Variants in DCPS observed in about 807,000 individuals in gnomAD.
The protein encoded by DCPS is decapping enzyme, scavenger.
DCPS carries 27 observed loss-of-function variants against 34.7 expected under a neutral mutation model. The ratio of observed to expected loss-of-function variants is 0.78; its 90% CI spans 0.57 to 1.07. The LOEUF is 1.07. DCPS is among the 50% of genes least tolerant of loss of function. The pLI, the probability that DCPS is intolerant of heterozygous loss-of-function variation, is 0.00. For missense variants in DCPS, 464 were observed against 436.9 expected (o/e 1.06, Z -0.55); for synonymous variants, 185 against 185.7 (o/e 1.00, Z 0.03).
rs1450180734 is a variant in DCPS, at chr11:126,328,748, G to A, written c.377-2657G>A. 6.6e-6 allele frequency among the ~76,000 whole-genome samples: 1 copy of A among 152,346 alleles called. No individual in the cohort carries two copies. Among genetic ancestry groups the A allele is most frequent in the African/African-American group, 2.4e-5 (1 of 41,584 alleles). ...CCCATCTCTCCCCCACTCTCAGGGA[G>A]CTCCACTGCCCAACCCAGGCAACGG... On this transcript the variant is annotated intron_variant, in intron 2 of 5. Transcript: ENST00000263579. This position sits in a 1 kb window ranked among gnomAD's most constrained non-coding sequence, Gnocchi z 6.6.
At position 126,331,495 on chromosome 11, in the gene DCPS, A is replaced by G. The variant is rs763596834; in HGVS notation, c.467A>G (p.Asp156Gly). The change falls in exon 3 of 6, where the codon GAT becomes GGT. Residue 156 changes from aspartate (D) to glycine (G), a missense_variant. By Grantham distance (94) the Asp-to-Gly change is moderately conservative. Transcript: ENST00000263579. The surrounding 1 kb of genome is among the most constrained non-coding windows in gnomAD (Gnocchi z 7.2). ...CTCCGCCTGATCCGAGAGACGGGAG[A>G]TGACTACAGGAATATTACTTTACCC... ...QDLRLIRETG[D>G]DYRNITLPHL... is the part of the protein sequence containing the mutation. 3.7e-6 allele frequency: 6 copies of G among 1,614,044 alleles called. No homozygotes were observed. Among genetic ancestry groups the G allele is most frequent in the East Asian group, 2.2e-5 (1 of 44,872 alleles).
At chr11:126,314,937 A>G (rs936605431) in intron 2 of DCPS, among the ~76,000 whole-genome samples, 2 of 152,140 alleles carry the variant, frequency 1.3e-5, no homozygotes, top group Non-Finnish European at 2.9e-5. Context: ...TAAAGAACTT[A>G]TTCACGTAAG....
chr11:126,326,848 G>C (rs564509807), intron 2 of DCPS, among the ~76,000 whole-genome samples: 1 of 151,986 alleles, frequency 6.6e-6, no homozygotes, highest in African/African-American at 2.4e-5. Flanking sequence ...GCGTGAGCCC[G>C]GGAGGCGGAG....
chr11:126,343,303 G>T lies in DCPS; in HGVS notation c.637-4G>T. On this transcript the variant is annotated splice_polypyrimidine_tract_variant and splice_region_variant and intron_variant, in intron 4 of 5. Coordinates refer to ENST00000263579, the MANE Select transcript of DCPS (RefSeq NM_014026.6). Reference sequence around the variant, plus strand: ...AGCCTGGTCTCCCCTTGCTCTCTACGCAGCTCGATGACTTGTACTTGATCG... The same window carrying T: ...AGCCTGGTCTCCCCTTGCTCTCTACTCAGCTCGATGACTTGTACTTGATCG... 1 of 1,611,860 alleles carries T rather than the reference G, an allele frequency of 6.2e-7. No individual in the cohort carries two copies.
chr11:126,305,986 C>G (rs762888241), intron 1 of DCPS, among the ~76,000 whole-genome samples: 1 of 152,148 alleles, frequency 6.6e-6, no homozygotes, highest in Non-Finnish European at 1.5e-5. Flanking sequence ...GAGAACTTGA[C>G]AGAGGTCTTG....
Position 126,349,663 on chromosome 11 carries a change from A to T in DCPS, c.*4050A>T, listed in dbSNP as rs1475930995. On this transcript the variant is annotated 3_prime_UTR_variant, in exon 6 of 6. Transcript: ENST00000263579. The surrounding 1 kb of genome is among the most constrained non-coding windows in gnomAD (Gnocchi z 5.4). ...CTTGTAATACTTCCATATCCAAAGC[A>T]TTTGAATATATTTATTTTATTGATG... Among the ~76,000 whole-genome samples the T allele has an allele frequency of 5.9e-5, 9 of 152,224 alleles. No individual in the cohort carries two copies. Among genetic ancestry groups the T allele is most frequent in the Admixed American group, 5.9e-4 (9 of 15,286 alleles).
chr11:126,347,155 C>G lies in DCPS; in HGVS notation c.*1542C>G, dbSNP rs1951939330. On this transcript the variant is annotated 3_prime_UTR_variant, in exon 6 of 6. Coordinates refer to ENST00000263579, the MANE Select transcript of DCPS (RefSeq NM_014026.6). This position sits in a 1 kb window ranked among gnomAD's most constrained non-coding sequence, Gnocchi z 4.2. ...AGAAAGCCTCAGGGACCTGCTTCAG[C>G]CTTCAGGGAGTTCAGATGAGGCACA... Among the ~76,000 whole-genome samples, 1 of 151,110 alleles carries G rather than the reference C, an allele frequency of 6.6e-6. No individual in the cohort carries two copies. The highest frequency in any genetic ancestry group is 1.5e-5 in the Non-Finnish European group (1 of 67,896).
At chr11:126,324,464 T>G (rs1951726767) in intron 2 of DCPS, among the ~76,000 whole-genome samples, 1 of 149,336 alleles carries the variant, frequency 6.7e-6, no homozygotes, top group Non-Finnish European at 1.5e-5. Context: ...CCTGTTGAGT[T>G]TTTTTTTTTA....
At chr11:126,339,506 A>G (rs894303081) in intron 4 of DCPS, among the ~76,000 whole-genome samples, 10 of 152,202 alleles carry the variant, frequency 6.6e-5, no homozygotes, top group African/African-American at 2.4e-4. Context: ...AAGTGAGCAT[A>G]ATTCGTCTCT....
chr11:126,314,098 G>A (rs1189130207), intron 2 of DCPS, among the ~76,000 whole-genome samples: 2 of 152,200 alleles, frequency 1.3e-5, no homozygotes, highest in African/African-American at 4.8e-5. Flanking sequence ...TGTGGGGATG[G>A]CTGGGCCAGC....
In DCPS at chr11:126,323,046, C is replaced by T. The variant is rs976571868; in HGVS notation, c.377-8359C>T. 2.0e-5 allele frequency among the ~76,000 whole-genome samples: 3 copies of T among 152,066 alleles called. No individual in the cohort carries two copies. The highest frequency in any genetic ancestry group is 2.9e-5 in the Non-Finnish European group (2 of 68,036). On this transcript the variant is annotated intron_variant, in intron 2 of 5. Transcript: ENST00000263579. The surrounding 1 kb of genome is among the most constrained non-coding windows in gnomAD (Gnocchi z 4.4). The stretch of plus-strand genomic sequence containing the variant: ...CTTGCCATGTAGCGCAGGCTGGTCT[C>T]GAACTCCTGGGCTCAATAGATTTCC...
intron 1 of DCPS, 23 bp downstream of exon 1, chr11:126,304,304 T>G (rs373874834): frequency 4.6e-5 from 74 of 1,611,336 alleles, no homozygotes; most frequent in Middle Eastern, 1.7e-4. Flanking sequence ...AACCCTGAGG[T>G]GGGATGCGGG....
intron 2 of DCPS, among the ~76,000 whole-genome samples, chr11:126,324,023 G>C (rs1052292748): frequency 6.6e-6 from 1 of 151,978 alleles, no homozygotes; most frequent in Non-Finnish European, 1.5e-5. Flanking sequence ...GTAGAGATGG[G>C]GTTTCACCAT....
At chr11:126,314,998 A>T (rs761537815) in intron 2 of DCPS, among the ~76,000 whole-genome samples, 38 of 152,242 alleles carry the variant, frequency 2.5e-4, no homozygotes, top group Non-Finnish European at 4.3e-4. Context: ...AAAAAAATTT[A>T]AAAAAATTGC....
At chr11:126,330,149 A>G (rs928720207) in intron 2 of DCPS, among the ~76,000 whole-genome samples, 5 of 152,160 alleles carry the variant, frequency 3.3e-5, no homozygotes, top group African/African-American at 9.7e-5. Flanking sequence ...ACATCCTTCT[A>G]GTTTAAAACT....
rs894995446 is a variant in DCPS, at chr11:126,329,147, G to T, written c.377-2258G>T. Among the ~76,000 whole-genome samples, 1 of 152,192 alleles carries T rather than the reference G, an allele frequency of 6.6e-6. No homozygotes were observed. Among genetic ancestry groups the T allele is most frequent in the African/African-American group, 2.4e-5 (1 of 41,460 alleles). ...GTCTCCCGCCTCTTGAGATCTTGGT[G>T]TGCCTGACCTCTGACCTCTGGCCCA... On this transcript the variant is annotated intron_variant, in intron 2 of 5. Transcript: ENST00000263579. This position sits in a 1 kb window ranked among gnomAD's most constrained non-coding sequence, Gnocchi z 5.0.
In DCPS at chr11:126,345,575, C is replaced by T. The variant is rs1386610112; in HGVS notation, c.976C>T (p.Pro326Ser). The change falls in exon 6 of 6, where the codon CCC (proline) becomes TCC (serine). Residue 326 changes from proline (P) to serine (S), a missense_variant. Transcript: ENST00000263579. The surrounding 1 kb of genome is among the most constrained non-coding windows in gnomAD (Gnocchi z 7.4). ...TLTFALRADD[P>S]LLKLLQEAQQ... ...CACCTTCGCCCTCAGGGCTGACGAC[C>T]CCCTGCTCAAGCTCTTGCAGGAGGC... The T allele has an allele frequency of 6.2e-7, 1 of 1,613,690 alleles. No individual in the cohort carries two copies. The highest frequency in any genetic ancestry group is 8.5e-7 in the Non-Finnish European group (1 of 1,180,012).
intron 4 of DCPS, among the ~76,000 whole-genome samples, chr11:126,340,354 C>T (rs1345908281): frequency 6.6e-6 from 1 of 151,784 alleles, no homozygotes; most frequent in Non-Finnish European, 1.5e-5. Context: ...CAGAGTCTCA[C>T]TCTGTTGCCC....
chr11:126,343,232 G>T, intron 4 of DCPS, 75 bp from the exon 5 acceptor site: 1 of 1,276,008 alleles, frequency 7.8e-7, no homozygotes, highest in East Asian at 2.5e-5. Context: ...CCTGGCTTAC[G>T]TGAGAACTCC....
Sources: allele counts gnomAD v4.1 joint callset (sites outside exome capture counted in the v4.1 genomes callset), GRCh38; gene constraint gnomAD v4.1.1; non-coding constraint Gnocchi (gnomAD v3.1); transcripts MANE v1.5; gene names NCBI Gene and HGNC (gene_info 2026-07-23, HGNC 2026-07-21).